FAM163B: variants seen among roughly 807,000 people sequenced by gnomAD.
The protein encoded by FAM163B is family with sequence similarity 163 member B, also known as protein FAM163B.
FAM163B carries 4 observed loss-of-function variants against 7.6 expected under a neutral mutation model. The ratio of observed to expected loss-of-function variants is 0.52; its 90% CI spans 0.26 to 1.20. FAM163B has a LOEUF of 1.20. Ranked by LOEUF, FAM163B falls within the 50% of genes most tolerant of loss-of-function variation. FAM163B has a pLI of 0.14. For missense variants in FAM163B, 250 were observed against 243.0 expected, an observed-to-expected ratio of 1.03 and a Z score of -0.19; for synonymous variants, 120 against 111.6, an observed-to-expected ratio of 1.07 and a Z score of -0.47.
intron 1 of FAM163B, among the ~76,000 whole-genome samples, chr9:133,607,274 AGGT>A (rs1002366644): frequency 6.6e-6 from 1 of 152,142 alleles, no homozygotes; most frequent in Non-Finnish European, 1.5e-5. Context: ...TCACCCAAAA[AGGT>A]GGACAGAACT....
Position 133,600,059 on chromosome 9 carries a change from TTG to T in FAM163B, c.-24+9016_-24+9017del. ...GTGGTCTGTGTGGATGTGTGTGAGTTTGTGTGTGCATGTGTGTGTGTCTGTGT... is the reference window on the plus strand; with the variant it reads ...GTGGTCTGTGTGGATGTGTGTGAGTTTGTGTGCATGTGTGTGTGTCTGTGT... On this transcript the variant is annotated intron_variant, in intron 1 of 2. Coordinates refer to ENST00000673969, the MANE Select transcript of FAM163B (RefSeq NM_001080515.3). The surrounding 1 kb of genome is among the most constrained non-coding windows in gnomAD (Gnocchi z 4.9). 8.2e-6 allele frequency among the ~76,000 whole-genome samples: 1 copy of T among 121,400 alleles called. No individual in the cohort carries two copies. The highest frequency in any genetic ancestry group is 2.7e-4 in the South Asian group (1 of 3,732). The allele number at this position is 121,400 out of a possible 152,430, so 79.6% of individuals were successfully genotyped here.
In FAM163B at chr9:133,589,210, C is replaced by A. The variant is rs527259601; in HGVS notation, c.-23-8964G>T. Among the ~76,000 whole-genome samples the A allele has an allele frequency of 6.5e-4, 99 of 152,308 alleles. 1 individual carries two copies. The highest frequency in any genetic ancestry group is 2.3e-3 in the African/African-American group (97 of 41,564). On this transcript the variant is annotated intron_variant, in intron 1 of 2. Transcript: ENST00000673969. ...CAGGTTCCTGCCTCACTCAAACACC[C>A]TGCATGGCTCCCTATACCTCTTAAT...
rs1831334411 is a variant in FAM163B, at chr9:133,580,149, C to T, written c.75G>A (p.Leu25=). The T allele has an allele frequency of 1.2e-6, 2 of 1,612,616 alleles. No homozygotes were observed. The highest frequency in any genetic ancestry group is 2.7e-5 in the African/African-American group (2 of 74,938). The change falls in exon 2 of 3, where the codon CTG becomes CTA. Residue 25 remains leucine, a synonymous_variant. Transcript: ENST00000673969. ...GGAATACCTGGAGCCGGCAGTAGCA[C>T]AGAACAGCGATGATGCAGAGCAAAA... ...TVILLCIIAV[L]CYCRLQYYCC...
chr9:133,601,293 T>C lies in FAM163B; in HGVS notation c.-24+7784A>G, dbSNP rs1831726153. 6.6e-6 allele frequency among the ~76,000 whole-genome samples: 1 copy of C among 152,336 alleles called. No homozygotes were observed. The highest frequency in any genetic ancestry group is 3.4e-3 in the Middle Eastern group (1 of 292). ...CAGGTAACTCTGCTGCCCTGAGCAGTCTTTGACCAAGGCTTCAGCAAAGAC... is the reference window on the plus strand; with the variant it reads ...CAGGTAACTCTGCTGCCCTGAGCAGCCTTTGACCAAGGCTTCAGCAAAGAC... On this transcript the variant is annotated intron_variant, in intron 1 of 2. Transcript: ENST00000673969. The surrounding 1 kb of genome is among the most constrained non-coding windows in gnomAD (Gnocchi z 4.1).
chr9:133,606,703 C>T lies in FAM163B; in HGVS notation c.-24+2374G>A, dbSNP rs1052916739. 1.3e-5 allele frequency among the ~76,000 whole-genome samples: 2 copies of T among 152,184 alleles called. No individual in the cohort carries two copies. Among genetic ancestry groups the T allele is most frequent in the African/African-American group, 4.8e-5 (2 of 41,462 alleles). On this transcript the variant is annotated intron_variant, in intron 1 of 2. Transcript: ENST00000673969. This position sits in a 1 kb window ranked among gnomAD's most constrained non-coding sequence, Gnocchi z 4.0. ...CTTGCTACTCTGAAGAGGGAAGTGG[C>T]GGTAGGGCCAGGAGCGGAGTGGAGG... is the stretch of plus-strand genomic sequence containing the variant.
intron 1 of FAM163B, among the ~76,000 whole-genome samples, chr9:133,607,669 T>C (rs2131267354): frequency 6.6e-6 from 1 of 152,188 alleles, no homozygotes; most frequent in East Asian, 1.9e-4. Flanking sequence ...ACTCAGCTGA[T>C]AGGGAAACCA....
At chr9:133,593,530 G>A (rs956990824) in intron 1 of FAM163B, among the ~76,000 whole-genome samples, 1 of 152,054 alleles carries the variant, frequency 6.6e-6, no homozygotes, top group South Asian at 2.1e-4. Context: ...TCCCAGCCCC[G>A]GACACCTCTG....
intron 1 of FAM163B, among the ~76,000 whole-genome samples, chr9:133,588,716 G>GAAAGAT (rs1295351719): frequency 2.5e-4 from 1 of 3,988 alleles, no homozygotes; most frequent in African/African-American, 9.0e-4. Flanking sequence ...CTAGCATGCT[G>GAAAGAT]CTGACCCACT....
rs10125650 is a variant in FAM163B at position 133,577,967 on chromosome 9, A to G, written c.*1055T>C. On this transcript the variant is annotated 3_prime_UTR_variant, in exon 3 of 3. Coordinates refer to ENST00000673969, the MANE Select transcript of FAM163B (RefSeq NM_001080515.3). The stretch of plus-strand genomic sequence containing the variant: ...CACCAGGAGCTGGGCCAGGCCTCCT[A>G]GGTCCTGCTGAGAAGCAGGTAGGGG... Among the ~76,000 whole-genome samples the G allele has an allele frequency of 0.74, 112,385 of 152,060 alleles. 41,730 individuals carry two copies. The highest frequency in any genetic ancestry group is 0.87 in the Middle Eastern group (255 of 292).
chr9:133,588,048 A>T (rs1309984150), intron 1 of FAM163B, among the ~76,000 whole-genome samples: 1 of 152,140 alleles, frequency 6.6e-6, no homozygotes, highest in Non-Finnish European at 1.5e-5. Context: ...CTATCTGCCC[A>T]GGAAGCCAGG....
intron 2 of FAM163B, among the ~76,000 whole-genome samples, chr9:133,579,907 G>A (rs759935151): frequency 0.026 from 3,969 of 152,304 alleles, 77 homozygotes; most frequent in Middle Eastern, 0.054. Flanking sequence ...GTCCCTTCCC[G>A]TCTCTGAGCC....
chr9:133,588,680 C>CGTTGAGGGATCTAGCATGT (rs1564192732), intron 1 of FAM163B, among the ~76,000 whole-genome samples: 2 of 47,752 alleles, frequency 4.2e-5, no homozygotes, highest in African/African-American at 7.3e-5. Context: ...ATCTAGCATA[C>CGTTGAGGGATCTAGCATGT]TGAGAGATCT....
Position 133,583,623 on chromosome 9 carries a change from C to T in FAM163B, c.-23-3377G>A, listed in dbSNP as rs1031589602. ...CCCTGAGGGAGCTGGCCCCGCTCGC[C>T]GCAAAGCTCTCTCTCAGGTCTGAGA... is the stretch of plus-strand genomic sequence containing the variant. On this transcript the variant is annotated intron_variant, in intron 1 of 2. Transcript: ENST00000673969. Among the ~76,000 whole-genome samples, 498 of 152,294 alleles carry T rather than the reference C, an allele frequency of 3.3e-3. 11 individuals carry two copies. Among genetic ancestry groups the T allele is most frequent in the East Asian group, 0.03 (156 of 5,166 alleles).
chr9:133,588,678 T>TGTTG (rs1462336538), intron 1 of FAM163B, among the ~76,000 whole-genome samples: 2 of 7,038 alleles, frequency 2.8e-4, no homozygotes, highest in African/African-American at 4.8e-4. Context: ...GGATCTAGCA[T>TGTTG]ACTGAGAGAT....
intron 1 of FAM163B, among the ~76,000 whole-genome samples, chr9:133,599,715 ATGTGCATGTGTGTCTG>A (rs1485719085): frequency 1.6e-5 from 2 of 125,304 alleles, no homozygotes; most frequent in Non-Finnish European, 1.6e-5. Context: ...ATGTGTGAGC[ATGTGCATGTGTGTCTG>A]TGTGCATGTG....
intron 1 of FAM163B, among the ~76,000 whole-genome samples, chr9:133,589,919 C>A (rs1276094734): frequency 6.6e-6 from 1 of 152,182 alleles, no homozygotes; most frequent in Non-Finnish European, 1.5e-5. Context: ...GAGGGTAGGG[C>A]CTGAAAACCC....
At chr9:133,596,741 G>A (rs1253839441) in intron 1 of FAM163B, among the ~76,000 whole-genome samples, 2 of 152,176 alleles carry the variant, frequency 1.3e-5, no homozygotes, top group African/African-American at 4.8e-5. Context: ...GGGGGACCGT[G>A]GAGCCACAGG....
At chr9:133,587,149 C>T (rs916512005) in intron 1 of FAM163B, among the ~76,000 whole-genome samples, 1 of 152,212 alleles carries the variant, frequency 6.6e-6, no homozygotes, top group South Asian at 2.1e-4. Flanking sequence ...TGCTGAAACT[C>T]AAAGCCCATC....
At chr9:133,588,603 T>C (rs1588325867) in intron 1 of FAM163B, among the ~76,000 whole-genome samples, 1 of 152,006 alleles carries the variant, frequency 6.6e-6, no homozygotes, top group Non-Finnish European at 1.5e-5. Flanking sequence ...TGTTGAGGGA[T>C]CTAGGATGCT....
Sources: allele counts gnomAD v4.1 joint callset (sites outside exome capture counted in the v4.1 genomes callset), GRCh38; gene constraint gnomAD v4.1.1; non-coding constraint Gnocchi (gnomAD v3.1); transcripts MANE v1.5; gene names NCBI Gene and HGNC (gene_info 2026-07-23, HGNC 2026-07-21).